Variants in PPP6R2 observed in about 807,000 individuals in gnomAD.
The protein encoded by PPP6R2 is serine/threonine-protein phosphatase 6 regulatory subunit 2.
In PPP6R2, 62 loss-of-function variants were observed where a neutral mutation model predicts 100.2. The observed-to-expected ratio is 0.62, with a 90% CI of 0.50 to 0.76. PPP6R2 has a LOEUF of 0.76. Ranked by LOEUF, PPP6R2 falls within the 30% of genes least tolerant of loss-of-function variation. The pLI, the probability that PPP6R2 is intolerant of heterozygous loss-of-function variation, is 0.00. For missense variants in PPP6R2, 1,142 were observed against 1,276.3 expected (o/e 0.89, Z 1.60); for synonymous variants, 525 against 514.7 (o/e 1.02, Z -0.27).
chr22:50,403,930 C>T (rs1192270219), intron 3 of PPP6R2, among the ~76,000 whole-genome samples: 3 of 152,138 alleles, frequency 2.0e-5, no homozygotes, highest in African/African-American at 7.2e-5. Flanking sequence ...CCCCTCCAGC[C>T]GGTCGCGTGG....
rs923535900 is a variant in PPP6R2, at chr22:50,431,867, G to T, written c.1336-398G>T. ...GTGATCTGTGTCAGGGCCTGGAGGTGAGAGAAAGTGCTGAGGGCAGACAGC... is the reference window on the plus strand; with the variant it reads ...GTGATCTGTGTCAGGGCCTGGAGGTTAGAGAAAGTGCTGAGGGCAGACAGC... On this transcript the variant is annotated intron_variant, in intron 11 of 23. Transcript: ENST00000612753. The surrounding 1 kb of genome is among the most constrained non-coding windows in gnomAD (Gnocchi z 4.8). Among the ~76,000 whole-genome samples, 1 of 152,172 alleles carries T rather than the reference G, an allele frequency of 6.6e-6. No individual in the cohort carries two copies. The highest frequency in any genetic ancestry group is 2.1e-4 in the South Asian group (1 of 4,828).
At chr22:50,387,477 C>T (rs1040195490) in intron 2 of PPP6R2, among the ~76,000 whole-genome samples, 1 of 152,138 alleles carries the variant, frequency 6.6e-6, no homozygotes, top group African/African-American at 2.4e-5. Flanking sequence ...TGCTCAGGAT[C>T]GACATAGTCT....
At chr22:50,422,135 G>C in intron 8 of PPP6R2, 119 bp from the exon 9 acceptor site, 1 of 1,336,014 alleles carries the variant, frequency 7.5e-7, no homozygotes, top group Non-Finnish European at 1.0e-6. Flanking sequence ...ACTGCTCTAG[G>C]GTTTCTTTTT....
At chr22:50,346,897 C>G in intron 1 of PPP6R2, among the ~76,000 whole-genome samples, 1 of 151,404 alleles carries the variant, frequency 6.6e-6, no homozygotes, top group Non-Finnish European at 1.5e-5. Flanking sequence ...CACCCGTACC[C>G]GTCAGTCACT....
intron 3 of PPP6R2, among the ~76,000 whole-genome samples, chr22:50,397,237 C>CG: frequency 6.6e-6 from 1 of 151,916 alleles, no homozygotes; most frequent in South Asian, 2.1e-4. Flanking sequence ...CCTGTGACTT[C>CG]GGAGGGAGAG....
At chr22:50,337,735 AGTG>A in the PPP6R2 span, among the ~76,000 whole-genome samples, 1 of 107,830 alleles carries the variant, frequency 9.3e-6, no homozygotes. Flanking sequence ...TGTGGTATGT[AGTG>A]TGTGTGGTAT....
At chr22:50,384,193 A>G (rs2053714995) in intron 2 of PPP6R2, among the ~76,000 whole-genome samples, 1 of 152,116 alleles carries the variant, frequency 6.6e-6, no homozygotes, top group Non-Finnish European at 1.5e-5. Flanking sequence ...TTTTGAAGAA[A>G]ATATTATTTT....
chr22:50,339,243 T>A, upstream of PPP6R2, among the ~76,000 whole-genome samples: 1 of 132,076 alleles, frequency 7.6e-6, no homozygotes, highest in African/African-American at 3.4e-5. Context: ...TTACGGTGTG[T>A]GTTGTGTGTG....
intron 4 of PPP6R2, among the ~76,000 whole-genome samples, chr22:50,409,131 G>A (rs970896178): frequency 2.6e-5 from 4 of 152,168 alleles, no homozygotes; most frequent in African/African-American, 9.7e-5. Flanking sequence ...CAGCTGGCTT[G>A]TTCTCACGGC....
chr22:50,391,795 T>C (rs2055623466), intron 2 of PPP6R2: 1 of 151,978 alleles, frequency 6.6e-6, no homozygotes, highest in African/African-American at 2.4e-5. Context: ...TCCAGTTGTT[T>C]TAAATTATAC....
chr22:50,404,556 C>T (rs1448919093), intron 3 of PPP6R2, among the ~76,000 whole-genome samples: 2 of 151,876 alleles, frequency 1.3e-5, no homozygotes, highest in African/African-American at 4.8e-5. Flanking sequence ...GCTGAGACCA[C>T]AGGCATGTGC....
intron 1 of PPP6R2, among the ~76,000 whole-genome samples, chr22:50,352,746 A>AAAAAC (rs2045596765): frequency 7.4e-5 from 7 of 95,038 alleles, no homozygotes; most frequent in South Asian, 3.4e-4. Context: ...AAAACAAAAA[A>AAAAAC]AAAAAACACA....
At chr22:50,364,770 G>A (rs1482448389) in intron 1 of PPP6R2, among the ~76,000 whole-genome samples, 1 of 152,128 alleles carries the variant, frequency 6.6e-6, no homozygotes, top group Non-Finnish European at 1.5e-5. Flanking sequence ...AGCATATTTA[G>A]ATAGTTTTGG....
At chr22:50,412,512 G>C (rs2147366111) in intron 4 of PPP6R2, among the ~76,000 whole-genome samples, 1 of 151,326 alleles carries the variant, frequency 6.6e-6, no homozygotes, top group South Asian at 2.1e-4. Flanking sequence ...ATGTTTGGAA[G>C]AATTTATTAG....
At chr22:50,356,352 G>A (rs148499914) in intron 1 of PPP6R2, among the ~76,000 whole-genome samples, 17 of 149,656 alleles carry the variant, frequency 1.1e-4, no homozygotes, top group African/African-American at 4.2e-4. Context: ...ATCTCGGCTG[G>A]AATGCAGTGG....
intron 2 of PPP6R2, among the ~76,000 whole-genome samples, chr22:50,393,120 C>G (rs2055992900): frequency 6.6e-6 from 1 of 152,146 alleles, no homozygotes. Context: ...AAGGACTGTC[C>G]AGACAAAGAC....
chr22:50,358,990 GCCCCCCC>G (rs56089347), intron 1 of PPP6R2, among the ~76,000 whole-genome samples: 3 of 42,670 alleles, frequency 7.0e-5, no homozygotes, highest in East Asian at 9.7e-4. Context: ...TAAAAGAACC[GCCCCCCC>G]CCCCCCCCCA....
At chr22:50,396,597 C>A (rs1445537390) in intron 3 of PPP6R2, among the ~76,000 whole-genome samples, 1 of 152,176 alleles carries the variant, frequency 6.6e-6, no homozygotes, top group Non-Finnish European at 1.5e-5. Flanking sequence ...TTAGACACAG[C>A]CACACTCATC....
chr22:50,349,291 G>T (rs2044456049), intron 1 of PPP6R2, among the ~76,000 whole-genome samples: 1 of 149,928 alleles, frequency 6.7e-6, no homozygotes, highest in Non-Finnish European at 1.5e-5. Context: ...TGAGCCTGGG[G>T]AGGTCAAGGC....
Sources: allele counts gnomAD v4.1 joint callset (sites outside exome capture counted in the v4.1 genomes callset), GRCh38; gene constraint gnomAD v4.1.1; non-coding constraint Gnocchi (gnomAD v3.1); transcripts MANE v1.5; gene names NCBI Gene and HGNC (gene_info 2026-07-23, HGNC 2026-07-21).